Variants in HGD observed in about 807,000 individuals in gnomAD.
HGD encodes the protein homogentisate 1,2-dioxygenase, also known as homogentisate oxidase.
In HGD, 61 loss-of-function variants were observed where a neutral mutation model predicts 60.8. The ratio of observed to expected loss-of-function variants is 1.00; its 90% CI spans 0.82 to 1.24. The LOEUF is 1.24. Ranked by LOEUF, HGD falls within the 50% of genes most tolerant of loss-of-function variation. The probability of loss-of-function intolerance (pLI) is 0.00; values close to 1 mark genes in which losing one functional copy is unlikely to be tolerated. For missense variants in HGD, 542 were observed against 547.1 expected (o/e 0.99, Z 0.09); for synonymous variants, 212 against 187.7 (o/e 1.13, Z -1.06).
rs532521137 is a variant in HGD, at chr3:120,675,086, C to T, written c.88-97G>A. The T allele has an allele frequency of 1.5e-4, 119 of 804,384 alleles. 3 individuals carry two copies. Among genetic ancestry groups the T allele is most frequent in the South Asian group, 1.3e-3 (94 of 74,426 alleles). The allele number at this position is 804,384 out of a possible 1,614,324, so 49.8% of individuals were successfully genotyped here. A position where few individuals can be genotyped will look rare whatever the true frequency, so the allele number is the denominator to read the frequency against. On this transcript the variant is annotated intron_variant, in intron 2 of 13. Coordinates refer to ENST00000283871, the MANE Select transcript of HGD (RefSeq NM_000187.4). Reference sequence around the variant, plus strand: ...AGTAGGGGGATGGGGATGCTCTGGGCGACTGCACATGACCATCTGCAACCC... The same window carrying T: ...AGTAGGGGGATGGGGATGCTCTGGGTGACTGCACATGACCATCTGCAACCC...
intron 4 of HGD, among the ~76,000 whole-genome samples, chr3:120,660,943 C>T (rs940813389): frequency 1.3e-5 from 2 of 152,168 alleles, no homozygotes; most frequent in Non-Finnish European, 1.5e-5. Context: ...TTACCTAGCA[C>T]CTAGCACGAA....
intron 4 of HGD, among the ~76,000 whole-genome samples, chr3:120,656,159 G>A (rs1432254493): frequency 6.6e-6 from 1 of 152,132 alleles, no homozygotes; most frequent in African/African-American, 2.4e-5. Flanking sequence ...ACAGTAAGAA[G>A]GACTGTCTTT....
intron 11 of HGD, among the ~76,000 whole-genome samples, chr3:120,639,692 C>G (rs1347393019): frequency 6.6e-6 from 1 of 150,880 alleles, no homozygotes. Context: ...AGATGTGCTC[C>G]TCTTTGGGAG....
chr3:120,678,046 G>A (rs1002385717), intron 1 of HGD: 2 of 152,186 alleles, frequency 1.3e-5, no homozygotes, highest in African/African-American at 2.4e-5. Flanking sequence ...AGCAATGGAA[G>A]TGAAAAATTA....
intron 1 of HGD, among the ~76,000 whole-genome samples, chr3:120,676,549 T>C (rs1417944468): frequency 6.6e-6 from 1 of 152,194 alleles, no homozygotes; most frequent in East Asian, 1.9e-4. Context: ...ACTGTCTGGC[T>C]TTTTTGCTAG....
intron 12 of HGD, among the ~76,000 whole-genome samples, chr3:120,634,200 G>A (rs769485658): frequency 6.6e-6 from 1 of 152,186 alleles, no homozygotes; most frequent in Non-Finnish European, 1.5e-5. Flanking sequence ...AGCTCTGTGT[G>A]TAAGAAAGTT....
In HGD at chr3:120,646,182, G is replaced by A. The variant is rs143769491; in HGVS notation, c.649+85C>T. On this transcript the variant is annotated intron_variant, in intron 9 of 13. Transcript: ENST00000283871. ...AAAGTGGAAGTTTGAGTGAGACAGCGAAGGGAGAAGGATGTTTAACTTTCA... is the reference window on the plus strand; with the variant it reads ...AAAGTGGAAGTTTGAGTGAGACAGCAAAGGGAGAAGGATGTTTAACTTTCA... The A allele has an allele frequency of 2.6e-3, 2,256 of 876,680 alleles. 36 individuals carry two copies. The African/African-American group carries it at 0.033, about 13-fold the overall frequency. 54.3% of individuals were successfully genotyped at this position (876,680 alleles called of 1,614,324 possible).
At chr3:120,675,054 C>A (rs1022924923) in intron 2 of HGD, 65 bp from the exon 3 acceptor site, 15 of 1,088,336 alleles carry the variant, frequency 1.4e-5, no homozygotes, top group Admixed American at 8.5e-5. Context: ...TTCCCACCAA[C>A]CAACTCAGTA....
chr3:120,675,673 C>A (rs1708113687), intron 2 of HGD, 119 bp downstream of exon 2: 1 of 780,748 alleles, frequency 1.3e-6, no homozygotes, highest in Middle Eastern at 2.6e-4. Context: ...CTTGGGAAAC[C>A]TCTAGACAGT....
At chr3:120,675,296 T>C (rs181074390) in intron 2 of HGD, among the ~76,000 whole-genome samples, 14 of 152,208 alleles carry the variant, frequency 9.2e-5, no homozygotes, top group Admixed American at 4.6e-4. Flanking sequence ...GACCCTATCA[T>C]ACCTGTAACC....
rs1310621462 is a variant in HGD at position 120,665,599 on chromosome 3, GAGGT to G, written c.282+4824_282+4827del. ...GGCTGAATTTAAATACACTCAAAAA[GAGGT>G]TGCATTAATTCTTGGATAACTGATT... On this transcript the variant is annotated intron_variant, in intron 4 of 13. Coordinates refer to ENST00000283871, the MANE Select transcript of HGD (RefSeq NM_000187.4). Among the ~76,000 whole-genome samples, 5 of 152,306 alleles carry G rather than the reference GAGGT, an allele frequency of 3.3e-5. No individual in the cohort carries two copies. In the East Asian group the frequency reaches 9.6e-4, roughly 29 times the overall value.
chr3:120,675,721 C>T, intron 2 of HGD, 71 bp downstream of exon 2: 1 of 1,194,672 alleles, frequency 8.4e-7, no homozygotes, highest in Non-Finnish European at 1.3e-6. Flanking sequence ...TGGGTGGAGG[C>T]ACTTTGGCCT....
In HGD at chr3:120,633,168, C is replaced by T. The variant is rs1940643570; in HGVS notation, c.1167G>A (p.Glu389=). The change falls in exon 13 of 14, where the codon GAG becomes GAA. Residue 389 remains glutamate (E), a synonymous_variant. Transcript: ENST00000283871. ...TTACCATGGTGCCATCGGCAATCCT[C>T]TCAGGTGCCAGCTTGACCTTGCTGG... is the stretch of plus-strand genomic sequence containing the variant. ...EKASKVKLAP[E]RIADGTMAFM... 1 of 1,614,118 alleles carries T rather than the reference C, an allele frequency of 6.2e-7. No homozygotes were observed. Among genetic ancestry groups the T allele is most frequent in the Non-Finnish European group, 8.5e-7 (1 of 1,180,012 alleles).
At chr3:120,667,277 G>A (rs1006799659) in intron 4 of HGD, among the ~76,000 whole-genome samples, 2 of 130,252 alleles carry the variant, frequency 1.5e-5, no homozygotes, top group East Asian at 4.7e-4. Flanking sequence ...AGTGAGCTGT[G>A]ATCACACCAC....
At chr3:120,634,506 TATA>T (rs1466860312) in intron 12 of HGD, among the ~76,000 whole-genome samples, 1 of 152,084 alleles carries the variant, frequency 6.6e-6, no homozygotes, top group Non-Finnish European at 1.5e-5. Flanking sequence ...AGCCAGCACA[TATA>T]ATTAGATATG....
chr3:120,628,235 G>A lies in HGD; in HGVS notation c.*145C>T, dbSNP rs1011081332. On this transcript the variant is annotated 3_prime_UTR_variant, in exon 14 of 14. Coordinates refer to ENST00000283871, the MANE Select transcript of HGD (RefSeq NM_000187.4). ...GACAGCCATAGAACTTTGCAAATGC[G>A]TTTCCATAAAAGTTCTGAGTTACTT... 4.0e-5 allele frequency: 36 copies of A among 895,882 alleles called. No individual in the cohort carries two copies. Among genetic ancestry groups the A allele is most frequent in the East Asian group, 1.2e-4 (5 of 41,302 alleles). The allele number at this position is 895,882 out of a possible 1,614,324, so 55.5% of individuals were successfully genotyped here.
rs191096696 is a variant in HGD at position 120,632,504 on chromosome 3, C to T, written c.1188+643G>A. ...AACAGGTTTTAAATCCCATCAGTTG[C>T]ATCCATGCCAAAGCAGAGCAAAGGA... is the stretch of plus-strand genomic sequence containing the variant. On this transcript the variant is annotated intron_variant, in intron 13 of 13. Transcript: ENST00000283871. Among the ~76,000 whole-genome samples the T allele has an allele frequency of 2.0e-3, 310 of 152,322 alleles. 2 individuals carry two copies. Among genetic ancestry groups the T allele is most frequent in the African/African-American group, 7.0e-3 (291 of 41,578 alleles).
chr3:120,650,312 C>T (rs1941299637), intron 6 of HGD, among the ~76,000 whole-genome samples: 2 of 152,140 alleles, frequency 1.3e-5, no homozygotes, highest in African/African-American at 2.4e-5. Flanking sequence ...TGTCTTATGC[C>T]TCCCTAAAAT....
chr3:120,675,889 C>A, intron 1 of HGD, 26 bp from the exon 2 acceptor site: 1 of 1,566,388 alleles, frequency 6.4e-7, no homozygotes, highest in South Asian at 1.1e-5. Context: ...ACACAAATGC[C>A]ACCATTAGCA....
Sources: gnomAD v4.1 joint callset for allele counts (sites outside exome capture counted in the v4.1 genomes callset) on GRCh38, gnomAD v4.1.1 for gene constraint, MANE v1.5 for transcripts, NCBI Gene and HGNC (gene_info 2026-07-23, HGNC 2026-07-21) for gene names.